Variants in CNTNAP3B observed in about 807,000 individuals in gnomAD.
CNTNAP3B encodes contactin-associated protein-like 3B.
In CNTNAP3B, 25 loss-of-function variants were observed where a neutral mutation model predicts 108.9. The observed-to-expected ratio is 0.23, with a 90% CI of 0.17 to 0.32. The LOEUF is 0.32. CNTNAP3B is among the 10% of genes least tolerant of loss of function. The pLI, the probability that CNTNAP3B is intolerant of heterozygous loss-of-function variation, is 1.00. For synonymous variants in CNTNAP3B, 103 were observed against 473.4 expected (o/e 0.22, Z 10.16); for missense variants, 252 against 1,210.4 (o/e 0.21, Z 11.75).
chr9:41,917,161 A>C (rs1490172831), intron 18 of CNTNAP3B, among the ~76,000 whole-genome samples: 1 of 150,138 alleles, frequency 6.7e-6, no homozygotes, highest in Admixed American at 6.6e-5. Flanking sequence ...TCAATTACGT[A>C]TATGTTGGTG....
At chr9:42,082,950 C>A (rs1430473087) in intron 2 of CNTNAP3B, among the ~76,000 whole-genome samples, 1 of 139,112 alleles carries the variant, frequency 7.2e-6, no homozygotes, top group Non-Finnish European at 1.5e-5. Context: ...ACAAGAAACA[C>A]ACTTTAAATA....
intron 3 of CNTNAP3B, among the ~76,000 whole-genome samples, chr9:42,018,815 C>T (rs1166183283): frequency 6.6e-6 from 1 of 151,886 alleles, no homozygotes; most frequent in Non-Finnish European, 1.5e-5. Flanking sequence ...GCAAGATACT[C>T]AACCATGCGG....
intron 9 of CNTNAP3B, among the ~76,000 whole-genome samples, chr9:41,972,654 A>G (rs1825442575): frequency 7.3e-6 from 1 of 136,306 alleles, no homozygotes; most frequent in Admixed American, 7.4e-5. Context: ...ATTTAACACC[A>G]TATTTGTTTA....
chr9:41,928,571 G>A (rs1224365051), intron 15 of CNTNAP3B, among the ~76,000 whole-genome samples: 2 of 152,294 alleles, frequency 1.3e-5, no homozygotes, highest in African/African-American at 4.8e-5. Context: ...CACTCGGCAA[G>A]AATGTACAGA....
intron 13 of CNTNAP3B, among the ~76,000 whole-genome samples, chr9:41,949,770 T>G (rs557488859): frequency 5.9e-5 from 9 of 152,164 alleles, no homozygotes; most frequent in Non-Finnish European, 1.2e-4. Context: ...ACTATAAAAC[T>G]TTTAGGAAAA....
intron 3 of CNTNAP3B, among the ~76,000 whole-genome samples, chr9:42,076,332 A>T (rs570994836): frequency 3.1e-5 from 4 of 129,980 alleles, no homozygotes; most frequent in Non-Finnish European, 4.8e-5. Flanking sequence ...AGGCTGATGC[A>T]GAAGAATTGT....
intron 12 of CNTNAP3B, among the ~76,000 whole-genome samples, chr9:41,957,467 A>G (rs1824895993): frequency 9.0e-6 from 1 of 110,500 alleles, no homozygotes; most frequent in African/African-American, 3.8e-5. Context: ...CAGTTTTGCA[A>G]GTTTCTATTG....
At chr9:42,113,323 C>G (rs1828235886) in intron 1 of CNTNAP3B, among the ~76,000 whole-genome samples, 1 of 137,534 alleles carries the variant, frequency 7.3e-6, no homozygotes, top group African/African-American at 2.9e-5. Flanking sequence ...ATCTTGTTCT[C>G]TTTCCTTTTA....
intron 13 of CNTNAP3B, among the ~76,000 whole-genome samples, chr9:41,939,492 C>G (rs1824266411): frequency 1.4e-5 from 2 of 145,344 alleles, no homozygotes; most frequent in Non-Finnish European, 3.0e-5. Flanking sequence ...ACCTGCCCCT[C>G]TGCCAAAAAA....
chr9:41,942,454 G>GA (rs1390996362), intron 13 of CNTNAP3B, among the ~76,000 whole-genome samples: 2 of 151,808 alleles, frequency 1.3e-5, no homozygotes, highest in African/African-American at 2.4e-5. Flanking sequence ...ACTAAAAATA[G>GA]AAAAAAATTA....
Position 41,981,936 on chromosome 9 carries a change from G to T in CNTNAP3B, c.1477+4232C>A, listed in dbSNP as rs1339229460. On this transcript the variant is annotated intron_variant, in intron 9 of 23. Coordinates refer to ENST00000377561, the MANE Select transcript of CNTNAP3B (RefSeq NM_001201380.3). ...AATAATAAATTAGCTGAATGTGGTG[G>T]CACGTGCCTGTAGTCCAGGCTAATC... Among the ~76,000 whole-genome samples the T allele has an allele frequency of 2.2e-3, 123 of 55,016 alleles. 1 individual carries two copies. The highest frequency in any genetic ancestry group is 6.9e-3 in the African/African-American group (117 of 16,862). The allele number at this position is 55,016 out of a possible 152,430, so 36.1% of individuals were successfully genotyped here. A position where few individuals can be genotyped will look rare whatever the true frequency, so the allele number is the denominator to read the frequency against.
intron 1 of CNTNAP3B, among the ~76,000 whole-genome samples, chr9:42,128,055 A>T (rs1294513523): frequency 7.2e-6 from 1 of 139,136 alleles, no homozygotes; most frequent in Non-Finnish European, 1.5e-5. Context: ...AATAAAAGTG[A>T]TTTGAGAAGG....
At chr9:41,970,782 A>AT (rs1280582912) in intron 9 of CNTNAP3B, among the ~76,000 whole-genome samples, 2 of 134,078 alleles carry the variant, frequency 1.5e-5, no homozygotes, top group East Asian at 2.3e-4. Flanking sequence ...TTAAAAACGT[A>AT]TTTTTTTATA....
intron 14 of CNTNAP3B, among the ~76,000 whole-genome samples, chr9:41,933,712 A>G (rs1161339177): frequency 9.2e-5 from 14 of 152,274 alleles, no homozygotes; most frequent in Admixed American, 3.9e-4. Flanking sequence ...TATCTACAAT[A>G]TCTGCCAGGT....
intron 1 of CNTNAP3B, among the ~76,000 whole-genome samples, chr9:42,128,533 T>C (rs939110764): frequency 7.3e-6 from 1 of 137,534 alleles, no homozygotes; most frequent in African/African-American, 2.9e-5. Context: ...GTCCCTATAC[T>C]GCGTGGAAGT....
At chr9:41,980,081 CT>C (rs1348688606) in intron 9 of CNTNAP3B, 1 of 70,540 alleles carries the variant, frequency 1.4e-5, no homozygotes, top group Non-Finnish European at 2.4e-5. Context: ...CTAAAACATT[CT>C]CTTTATTATC....
Position 41,953,290 on chromosome 9 carries a change from G to A in CNTNAP3B, c.1973C>T (p.Ala658Val), listed in dbSNP as rs757036634. 4.6e-6 allele frequency: 7 copies of A among 1,530,568 alleles called. No individual in the cohort carries two copies. The highest frequency in any genetic ancestry group is 2.2e-4 in the Middle Eastern group (1 of 4,494). The allele number at this position is 1,530,568 out of a possible 1,614,324, so 94.8% of individuals were successfully genotyped here. Reference sequence around the variant, plus strand: ...CAGCTGCCCCGCGCCCGCTGCGTACGCGAAGGACACAGCCGAGAGCGGGTG... The same window carrying A: ...CAGCTGCCCCGCGCCCGCTGCGTACACGAAGGACACAGCCGAGAGCGGGTG... ...SGHPLSAVSFAYAAGAGQLRA... is the reference protein window; with the variant it reads ...SGHPLSAVSFVYAAGAGQLRA... Residue 658 changes from alanine (A) to valine (V), a missense_variant, in exon 13 of 24, where the codon GCG becomes GTG. By Grantham distance (64) the Ala-to-Val change is moderately conservative (BLOSUM62 0). Coordinates refer to ENST00000377561, the MANE Select transcript of CNTNAP3B (RefSeq NM_001201380.3).
At chr9:42,055,348 A>T (rs927889846) in intron 3 of CNTNAP3B, among the ~76,000 whole-genome samples, 1 of 138,020 alleles carries the variant, frequency 7.2e-6, no homozygotes, top group African/African-American at 2.9e-5. Flanking sequence ...AGAATATCTT[A>T]CCTTATTCTT....
intron 14 of CNTNAP3B, among the ~76,000 whole-genome samples, chr9:41,935,255 C>T (rs1484874998): frequency 1.3e-5 from 2 of 152,230 alleles, no homozygotes; most frequent in Non-Finnish European, 2.9e-5. Context: ...AAGTAATATG[C>T]TTAGACGAGT....
Sources: allele counts gnomAD v4.1 joint callset (sites outside exome capture counted in the v4.1 genomes callset), GRCh38; gene constraint gnomAD v4.1.1; transcripts MANE v1.5; gene names NCBI Gene and HGNC (gene_info 2026-07-23, HGNC 2026-07-21).